BCAS3: variants seen among roughly 807,000 people sequenced by gnomAD.
BCAS3 encodes the protein BCAS4/BCAS3 fusion.
Under a neutral mutation model 116.1 loss-of-function variants are expected in BCAS3, and 53 were observed. The ratio of observed to expected loss-of-function variants is 0.46; its 90% CI spans 0.37 to 0.57. The LOEUF is 0.57. BCAS3 is among the 20% of genes least tolerant of loss of function. The pLI is 0.00. For synonymous variants in BCAS3, 391 were observed against 408.2 expected (o/e 0.96, Z 0.51); for missense variants, 917 against 1,165.4 (o/e 0.79, Z 3.10).
At chr17:61,138,716 AT>A (rs1164852458) in intron 22 of BCAS3, among the ~76,000 whole-genome samples, 2 of 152,066 alleles carry the variant, frequency 1.3e-5, no homozygotes, top group Admixed American at 1.3e-4. Context: ...AAGTCTTATA[AT>A]TTTTTACTAG....
At chr17:60,850,171 C>T (rs1360494015) in intron 7 of BCAS3, among the ~76,000 whole-genome samples, 1 of 151,972 alleles carries the variant, frequency 6.6e-6, no homozygotes, top group East Asian at 1.9e-4. Flanking sequence ...CAACTAATAT[C>T]CATAGTTTAT....
chr17:60,842,922 A>G (rs979541961), intron 7 of BCAS3, among the ~76,000 whole-genome samples: 2 of 150,856 alleles, frequency 1.3e-5, no homozygotes, highest in South Asian at 4.2e-4. Flanking sequence ...CCCAGACTAG[A>G]GTGCAGTGGC....
intron 6 of BCAS3, among the ~76,000 whole-genome samples, chr17:60,754,667 G>A (rs2042819553): frequency 1.3e-5 from 2 of 148,682 alleles, no homozygotes; most frequent in Admixed American, 6.7e-5. Flanking sequence ...AAATGCAGAT[G>A]TAAAATTTAA....
At chr17:60,855,388 C>G (rs1460392419) in intron 7 of BCAS3, among the ~76,000 whole-genome samples, 2 of 151,752 alleles carry the variant, frequency 1.3e-5, no homozygotes, top group Non-Finnish European at 2.9e-5. Context: ...ATATTCCCAC[C>G]AGCAATGTGT....
chr17:61,074,816 A>G lies in BCAS3; in HGVS notation c.2030-104A>G, dbSNP rs753593519. ...TTGCCTTTTTGCTTTAAAGTATTAT[A>G]TTTTATCTTATAAATTACCATAGTA... On this transcript the variant is annotated intron_variant, in intron 19 of 23. Transcript: ENST00000407086. 102 of 606,556 alleles carry G rather than the reference A, an allele frequency of 1.7e-4. 1 individual carries two copies. The highest frequency in any genetic ancestry group is 1.4e-3 in the Middle Eastern group (3 of 2,158). 37.6% of individuals were successfully genotyped at this position (606,556 alleles called of 1,614,324 possible). A position where few individuals can be genotyped will look rare whatever the true frequency, so the allele number is the denominator to read the frequency against.
chr17:60,756,709 G>T (rs538418132), intron 6 of BCAS3, among the ~76,000 whole-genome samples: 2 of 152,210 alleles, frequency 1.3e-5, no homozygotes, highest in African/African-American at 4.8e-5. Flanking sequence ...TATCTTTGCT[G>T]CTGTAAATAG....
intron 19 of BCAS3, among the ~76,000 whole-genome samples, chr17:61,066,611 G>C (rs1343359760): frequency 6.6e-6 from 1 of 151,972 alleles, no homozygotes; most frequent in Non-Finnish European, 1.5e-5. Context: ...CTAATGTACA[G>C]TATATTTAAT....
chr17:61,092,328 GTC>G (rs375741148), intron 22 of BCAS3, among the ~76,000 whole-genome samples: 103 of 148,776 alleles, frequency 6.9e-4, no homozygotes, highest in Non-Finnish European at 7.2e-4. Context: ...CTGTCTGTCT[GTC>G]TCTCTCTCTC....
intron 6 of BCAS3, among the ~76,000 whole-genome samples, chr17:60,760,497 GTTT>G (rs59832943): frequency 7.8e-6 from 1 of 127,456 alleles, no homozygotes; most frequent in African/African-American, 3.5e-5. Context: ...AGGTTTTTTT[GTTT>G]TTTTTTTTTT....
chr17:61,287,035 T>G (rs1406434391), intron 22 of BCAS3, among the ~76,000 whole-genome samples: 1 of 151,172 alleles, frequency 6.6e-6, no homozygotes, highest in African/African-American at 2.4e-5. Flanking sequence ...GATCACAAGG[T>G]CAGGAGATCG....
intron 7 of BCAS3, among the ~76,000 whole-genome samples, chr17:60,835,298 C>A (rs1402858088): frequency 6.6e-6 from 1 of 151,886 alleles, no homozygotes; most frequent in Non-Finnish European, 1.5e-5. Flanking sequence ...TACACTGTAA[C>A]AGTTATGCTA....
intron 15 of BCAS3, among the ~76,000 whole-genome samples, chr17:61,010,803 T>C (rs994366812): frequency 6.6e-6 from 1 of 152,018 alleles, no homozygotes; most frequent in Non-Finnish European, 1.5e-5. Flanking sequence ...TGGGGACTGG[T>C]AAACCTCTAA....
chr17:60,765,755 G>T (rs2044028213), intron 6 of BCAS3, among the ~76,000 whole-genome samples: 1 of 152,252 alleles, frequency 6.6e-6, no homozygotes, highest in Admixed American at 6.5e-5. Context: ...TATGTTGGGG[G>T]AGTTCTCCTG....
chr17:60,983,642 C>T (rs2062949416), intron 14 of BCAS3, among the ~76,000 whole-genome samples: 1 of 152,078 alleles, frequency 6.6e-6, no homozygotes, highest in Non-Finnish European at 1.5e-5. Flanking sequence ...CCTCTATATC[C>T]TGAGTAGTCT....
At chr17:61,002,948 G>A (rs2064355712) in intron 15 of BCAS3, among the ~76,000 whole-genome samples, 1 of 151,730 alleles carries the variant, frequency 6.6e-6, no homozygotes, top group Non-Finnish European at 1.5e-5. Flanking sequence ...TTTTATCAAA[G>A]AAATACATGC....
chr17:60,880,134 C>T (rs374068539), intron 9 of BCAS3, among the ~76,000 whole-genome samples: 111 of 152,272 alleles, frequency 7.3e-4, no homozygotes, highest in Non-Finnish European at 8.5e-4. Flanking sequence ...TGGCAGTACT[C>T]ATGAAATTCA....
intron 5 of BCAS3, among the ~76,000 whole-genome samples, chr17:60,731,200 TG>T (rs1194131984): frequency 6.6e-6 from 1 of 152,154 alleles, no homozygotes; most frequent in African/African-American, 2.4e-5. Flanking sequence ...ACTATACACG[TG>T]TTTTTTTGCT....
intron 13 of BCAS3, among the ~76,000 whole-genome samples, chr17:60,931,794 C>G (rs1217067863): frequency 6.6e-6 from 1 of 152,104 alleles, no homozygotes; most frequent in Non-Finnish European, 1.5e-5. Flanking sequence ...AATACCTGGC[C>G]AGGTGCACTG....
At chr17:60,933,727 C>A (rs1033960222) in intron 13 of BCAS3, among the ~76,000 whole-genome samples, 1 of 152,238 alleles carries the variant, frequency 6.6e-6, no homozygotes, top group Non-Finnish European at 1.5e-5. Flanking sequence ...ATCTATAATG[C>A]ATCACAGATC....
Sources: allele counts gnomAD v4.1 joint callset (sites outside exome capture counted in the v4.1 genomes callset), GRCh38; gene constraint gnomAD v4.1.1; transcripts MANE v1.5; gene names NCBI Gene and HGNC (gene_info 2026-07-23, HGNC 2026-07-21).